SPATA17: variants seen among roughly 807,000 people sequenced by gnomAD.
The protein encoded by SPATA17 is spermatogenesis-associated protein 17.
Under a neutral mutation model 62.2 loss-of-function variants are expected in SPATA17, and 53 were observed. That is an observed-to-expected ratio of 0.85 (90% CI 0.68 to 1.07). SPATA17 has a LOEUF of 1.07. Among genes scored for constraint, SPATA17 ranks in the 50% least tolerant of loss-of-function variants. The pLI is 0.00. For synonymous variants in SPATA17, 146 were observed against 146.8 expected, an observed-to-expected ratio of 0.99 and a Z score of 0.04; for missense variants, 466 against 425.5, an observed-to-expected ratio of 1.10 and a Z score of -0.84.
chr1:217,708,985 A>G (rs1415548003), intron 5 of SPATA17, among the ~76,000 whole-genome samples: 1 of 152,194 alleles, frequency 6.6e-6, no homozygotes, highest in African/African-American at 2.4e-5. Context: ...AAAATTCAGC[A>G]TCCCTTCATG....
At chr1:217,796,357 G>A (rs763428781) in intron 8 of SPATA17, among the ~76,000 whole-genome samples, 2 of 151,990 alleles carry the variant, frequency 1.3e-5, no homozygotes, top group Non-Finnish European at 2.9e-5. Context: ...ACTGAGCCAA[G>A]GTGATTTGAG....
At chr1:217,790,526 T>C (rs1310838989) in intron 8 of SPATA17, among the ~76,000 whole-genome samples, 6 of 152,134 alleles carry the variant, frequency 3.9e-5, no homozygotes, top group South Asian at 2.1e-4. Flanking sequence ...CTGCAAGCTC[T>C]GCCTCCCGGG....
At chr1:217,817,639 C>A (rs563993938) in intron 9 of SPATA17, among the ~76,000 whole-genome samples, 11 of 152,136 alleles carry the variant, frequency 7.2e-5, no homozygotes, top group African/African-American at 2.6e-4. Context: ...TGGAAACATA[C>A]CAAATCAATT....
chr1:217,726,935 C>A (rs754010104), intron 5 of SPATA17, among the ~76,000 whole-genome samples: 12 of 151,962 alleles, frequency 7.9e-5, no homozygotes, highest in Non-Finnish European at 1.6e-4. Flanking sequence ...TAAATTTATG[C>A]ATGCATTTAA....
rs115208615 is a variant in SPATA17 at position 217,651,742 on chromosome 1, T to C, written c.240+564T>C. ...GGAAAGTTAAATATATTTGTGGTTATATCGCATGATTAATTATTATTGGAA... is the reference window on the plus strand; with the variant it reads ...GGAAAGTTAAATATATTTGTGGTTACATCGCATGATTAATTATTATTGGAA... On this transcript the variant is annotated intron_variant, in intron 3 of 10. Coordinates refer to ENST00000366933, the MANE Select transcript of SPATA17 (RefSeq NM_138796.4). 8.9e-3 allele frequency among the ~76,000 whole-genome samples: 1,351 copies of C among 152,348 alleles called. 21 individuals are homozygous for C. The highest frequency in any genetic ancestry group is 0.031 in the African/African-American group (1,300 of 41,572).
chr1:217,847,424 C>T (rs1413838662), intron 9 of SPATA17, among the ~76,000 whole-genome samples: 1 of 152,036 alleles, frequency 6.6e-6, no homozygotes, highest in Non-Finnish European at 1.5e-5. Context: ...ATTCACATTG[C>T]TTTCTTAATT....
chr1:217,718,309 GA>G (rs558875936), intron 5 of SPATA17, among the ~76,000 whole-genome samples: 136 of 146,882 alleles, frequency 9.3e-4, no homozygotes, highest in Middle Eastern at 7.1e-3. Context: ...GGAGCAGGAG[GA>G]AAAAAAAAAA....
intron 4 of SPATA17, among the ~76,000 whole-genome samples, chr1:217,680,086 T>G (rs543298572): frequency 6.6e-6 from 1 of 152,326 alleles, no homozygotes; most frequent in African/African-American, 2.4e-5. Context: ...ATCTTAATAT[T>G]TTCCTATGCA....
intron 5 of SPATA17, among the ~76,000 whole-genome samples, chr1:217,704,230 CTTTTTTTT>C (rs560591615): frequency 1.7e-4 from 7 of 41,692 alleles, no homozygotes; most frequent in Non-Finnish European, 3.2e-4. Flanking sequence ...TTCCCTCTAC[CTTTTTTTT>C]TTTTTTTTTT....
intron 8 of SPATA17, among the ~76,000 whole-genome samples, chr1:217,793,015 A>G (rs1055936838): frequency 7.2e-5 from 11 of 152,176 alleles, no homozygotes; most frequent in Non-Finnish European, 1.6e-4. Flanking sequence ...CCTCTAGTGT[A>G]TCAAGGGAAA....
chr1:217,747,186 A>T (rs1672779608), intron 6 of SPATA17, among the ~76,000 whole-genome samples: 1 of 152,120 alleles, frequency 6.6e-6, no homozygotes. Context: ...CTTTCTCTAA[A>T]GATTGATTAT....
intron 5 of SPATA17, among the ~76,000 whole-genome samples, chr1:217,698,132 A>C (rs1671504139): frequency 6.6e-6 from 1 of 151,996 alleles, no homozygotes; most frequent in Non-Finnish European, 1.5e-5. Context: ...CCTGTCTCTA[A>C]ATTTTTGTAA....
chr1:217,728,155 A>G (rs942715488), intron 5 of SPATA17, among the ~76,000 whole-genome samples: 1 of 152,190 alleles, frequency 6.6e-6, no homozygotes, highest in African/African-American at 2.4e-5. Context: ...TTATTTAGTT[A>G]CTACAGAGGT....
chr1:217,849,576 A>G (rs945324865), intron 9 of SPATA17, among the ~76,000 whole-genome samples: 4 of 152,180 alleles, frequency 2.6e-5, no homozygotes, highest in African/African-American at 9.7e-5. Context: ...CAGGAGTGCA[A>G]GTATCTGGGA....
chr1:217,828,050 G>T (rs780069063), intron 9 of SPATA17, among the ~76,000 whole-genome samples: 4 of 152,138 alleles, frequency 2.6e-5, no homozygotes, highest in East Asian at 1.9e-4. Context: ...AAATTATAAT[G>T]ACATTCTTCA....
At chr1:217,703,188 T>TTTTTTTTTTTTTTTC (rs1671644397) in intron 5 of SPATA17, among the ~76,000 whole-genome samples, 1 of 149,168 alleles carries the variant, frequency 6.7e-6, no homozygotes, top group African/African-American at 2.5e-5. Context: ...TTTTTTTTTT[T>TTTTTTTTTTTTTTTC]GAAATGGAGT....
chr1:217,767,165 TA>T (rs1571792002), intron 6 of SPATA17, among the ~76,000 whole-genome samples: 1 of 152,238 alleles, frequency 6.6e-6, no homozygotes, highest in South Asian at 2.1e-4. Flanking sequence ...CATTTTTCTC[TA>T]AAACTTTAAA....
intron 9 of SPATA17, among the ~76,000 whole-genome samples, chr1:217,820,755 G>A (rs1306795581): frequency 6.6e-6 from 1 of 151,988 alleles, no homozygotes; most frequent in Admixed American, 6.6e-5. Context: ...TCACAAAATT[G>A]AATATATTTG....
At chr1:217,669,906 T>C (rs2102897308) in intron 4 of SPATA17, among the ~76,000 whole-genome samples, 1 of 152,242 alleles carries the variant, frequency 6.6e-6, no homozygotes, top group Admixed American at 6.5e-5. Flanking sequence ...TCTTTCCTTT[T>C]CAGGTGAGCG....
Sources: gnomAD v4.1 joint callset for allele counts (sites outside exome capture counted in the v4.1 genomes callset) on GRCh38, gnomAD v4.1.1 for gene constraint, MANE v1.5 for transcripts, NCBI Gene and HGNC (gene_info 2026-07-23, HGNC 2026-07-21) for gene names.